Variants in PTPN4 observed in about 807,000 individuals in gnomAD.
PTPN4 encodes the protein tyrosine-protein phosphatase non-receptor type 4.
Under a neutral mutation model 135.5 loss-of-function variants are expected in PTPN4, and 49 were observed. The observed-to-expected ratio is 0.36, with a 90% CI of 0.29 to 0.46. The LOEUF (loss-of-function observed/expected upper bound fraction) is 0.46, where lower values mean the gene tolerates loss of function less well. PTPN4 is among the 20% of genes least tolerant of loss of function. The pLI is 1.00. For missense variants in PTPN4, 860 were observed against 1,101.0 expected (o/e 0.78, Z 3.10); for synonymous variants, 333 against 369.9 (o/e 0.90, Z 1.14).
At chr2:119,926,564 A>G in intron 12 of PTPN4, 34 bp from the exon 13 acceptor site, 1 of 1,438,118 alleles carries the variant, frequency 7.0e-7, no homozygotes, top group South Asian at 1.3e-5. Flanking sequence ...AGTTCTCTTA[A>G]GACTTTATTG....
intron 13 of PTPN4, among the ~76,000 whole-genome samples, chr2:119,929,580 A>G (rs1678871519): frequency 6.6e-6 from 1 of 152,140 alleles, no homozygotes; most frequent in Admixed American, 6.5e-5. Flanking sequence ...ATGTTCTCAT[A>G]CAACAGAAAA....
intron 9 of PTPN4, among the ~76,000 whole-genome samples, chr2:119,894,055 C>A (rs1018933819): frequency 2.6e-5 from 4 of 152,164 alleles, no homozygotes; most frequent in Non-Finnish European, 5.9e-5. Flanking sequence ...TTAATCCTTA[C>A]AACAGCCTTG....
chr2:119,809,021 T>G (rs537144970), intron 1 of PTPN4, among the ~76,000 whole-genome samples: 56 of 152,298 alleles, frequency 3.7e-4, no homozygotes, highest in Admixed American at 3.4e-3. Context: ...TACCTAATTG[T>G]CTTTAAGACA....
chr2:119,947,801 T>C (rs1450449984), intron 18 of PTPN4, among the ~76,000 whole-genome samples: 8 of 139,472 alleles, frequency 5.7e-5, no homozygotes. Flanking sequence ...CATCAGATTG[T>C]GACTCCTAAG....
rs535713121 is a variant in PTPN4 at position 119,808,804 on chromosome 2, A to G, written c.-17-1033A>G. 6.6e-5 allele frequency among the ~76,000 whole-genome samples: 10 copies of G among 152,250 alleles called. No homozygotes were observed. In the East Asian group the frequency reaches 1.7e-3, roughly 26 times the overall value. On this transcript the variant is annotated intron_variant, in intron 1 of 26. Coordinates refer to ENST00000263708, the MANE Select transcript of PTPN4 (RefSeq NM_002830.4). ...GACTTTTTTCCCCTACATTATTTTTATATTTATATAACAATGACTTTTACT... is the reference window on the plus strand; with the variant it reads ...GACTTTTTTCCCCTACATTATTTTTGTATTTATATAACAATGACTTTTACT...
intron 1 of PTPN4, among the ~76,000 whole-genome samples, chr2:119,794,730 C>T (rs925945641): frequency 5.5e-4 from 83 of 152,154 alleles, no homozygotes; most frequent in African/African-American, 1.7e-3. Flanking sequence ...CCTGCAGCAA[C>T]GTGGTGGGCA....
At chr2:119,868,601 C>G (rs1246321213) in intron 3 of PTPN4, among the ~76,000 whole-genome samples, 1 of 152,164 alleles carries the variant, frequency 6.6e-6, no homozygotes, top group East Asian at 1.9e-4. Context: ...GCAAGGAACA[C>G]CTGGCCCACC....
At chr2:119,784,696 ATTTTTTTTTTT>A (rs58879330) in intron 1 of PTPN4, among the ~76,000 whole-genome samples, 2 of 110,166 alleles carry the variant, frequency 1.8e-5, no homozygotes, top group East Asian at 2.3e-4. Flanking sequence ...TGCCCAGCTA[ATTTTTTTTTTT>A]TTTTTTTTTT....
At chr2:119,949,354 G>C (rs771253971) in intron 18 of PTPN4, among the ~76,000 whole-genome samples, 26 of 152,100 alleles carry the variant, frequency 1.7e-4, no homozygotes, top group Non-Finnish European at 3.5e-4. Flanking sequence ...GGCAATCGGG[G>C]GAAAAGGAAA....
chr2:119,842,533 C>CA (rs1199090986), intron 2 of PTPN4, among the ~76,000 whole-genome samples: 1 of 151,844 alleles, frequency 6.6e-6, no homozygotes, highest in African/African-American at 2.4e-5. Flanking sequence ...GATGACAACT[C>CA]AAAAAAAGCT....
At chr2:119,866,015 C>T (rs1296235481) in intron 3 of PTPN4, among the ~76,000 whole-genome samples, 2 of 151,990 alleles carry the variant, frequency 1.3e-5, no homozygotes. Context: ...CAGAATTTCT[C>T]CTGCTTTAAT....
chr2:119,858,869 CG>C (rs1184552048), intron 2 of PTPN4, among the ~76,000 whole-genome samples: 2 of 152,104 alleles, frequency 1.3e-5, no homozygotes, highest in East Asian at 3.9e-4. Flanking sequence ...CTCCTGACCT[CG>C]TAATCTGCCC....
chr2:119,807,141 G>A (rs1020356336), intron 1 of PTPN4, among the ~76,000 whole-genome samples: 2 of 152,006 alleles, frequency 1.3e-5, no homozygotes, highest in African/African-American at 4.8e-5. Context: ...ATCTAAAATC[G>A]ACACCCTAAC....
intron 1 of PTPN4, among the ~76,000 whole-genome samples, chr2:119,807,964 A>G (rs753905392): frequency 6.6e-6 from 1 of 152,272 alleles, no homozygotes; most frequent in Non-Finnish European, 1.5e-5. Context: ...AACAGAAGCA[A>G]TGACAAAAAC....
At chr2:119,817,348 T>A (rs2104953291) in intron 2 of PTPN4, among the ~76,000 whole-genome samples, 1 of 151,538 alleles carries the variant, frequency 6.6e-6, no homozygotes, top group African/African-American at 2.4e-5. Flanking sequence ...TTTTTTTTAA[T>A]ACTTTAATTT....
intron 15 of PTPN4, among the ~76,000 whole-genome samples, chr2:119,943,058 C>G (rs558894206): frequency 1.1e-4 from 16 of 152,270 alleles, no homozygotes; most frequent in African/African-American, 3.9e-4. Flanking sequence ...ATGCAGACAT[C>G]TAGGCTAAGT....
chr2:119,964,716 A>C (rs935188543), intron 24 of PTPN4, among the ~76,000 whole-genome samples: 1 of 152,216 alleles, frequency 6.6e-6, no homozygotes, highest in South Asian at 2.1e-4. Context: ...ACTTAAATGG[A>C]TACAACTATT....
At chr2:119,831,899 A>C (rs1257976851) in intron 2 of PTPN4, among the ~76,000 whole-genome samples, 1 of 152,174 alleles carries the variant, frequency 6.6e-6, no homozygotes, top group Admixed American at 6.5e-5. Flanking sequence ...GAACCACTTG[A>C]AGTTTCTTTT....
chr2:119,957,108 T>G, intron 22 of PTPN4, 31 bp downstream of exon 22: 1 of 1,569,488 alleles, frequency 6.4e-7, no homozygotes, highest in Non-Finnish European at 8.7e-7. Context: ...CCTTTGCCAT[T>G]TGGAAAAATA....
Sources: gnomAD v4.1 joint callset for allele counts (sites outside exome capture counted in the v4.1 genomes callset) on GRCh38, gnomAD v4.1.1 for gene constraint, MANE v1.5 for transcripts, NCBI Gene and HGNC (gene_info 2026-07-23, HGNC 2026-07-21) for gene names.